XAB2: variants seen among roughly 807,000 people sequenced by gnomAD.
XAB2 encodes the protein pre-mRNA-splicing factor SYF1.
In XAB2, 57 loss-of-function variants were observed where a neutral mutation model predicts 113.4. The ratio of observed to expected loss-of-function variants is 0.50; its 90% CI spans 0.41 to 0.63. The LOEUF (loss-of-function observed/expected upper bound fraction) is 0.63. XAB2 is among the 20% of genes least tolerant of loss of function. The pLI, the probability that XAB2 is intolerant of heterozygous loss-of-function variation, is 0.00. For missense variants in XAB2, 1,037 were observed against 1,233.3 expected (o/e 0.84, Z 2.38); for synonymous variants, 497 against 498.8 (o/e 1.00, Z 0.05).
intron 15 of XAB2, 40 bp from the exon 16 acceptor site, chr19:7,620,486 T>C (rs771198353): frequency 6.2e-7 from 1 of 1,609,064 alleles, no homozygotes; most frequent in Non-Finnish European, 8.5e-7. Flanking sequence ...TGTGTGCCCG[T>C]GAGCTGGCTG....
intron 12 of XAB2, 127 bp from the exon 13 acceptor site, chr19:7,621,424 C>T (rs1384802964): frequency 6.0e-6 from 6 of 992,630 alleles, no homozygotes; most frequent in African/African-American, 1.6e-5. Flanking sequence ...CCTGTCCACG[C>T]CTCCCTGTCC....
In XAB2 at chr19:7,624,726, G is replaced by A. The variant is rs2031104182; in HGVS notation, c.823-281C>T. On this transcript the variant is annotated intron_variant, in intron 6 of 18. Transcript: ENST00000358368. The surrounding 1 kb of genome is among the most constrained non-coding windows in gnomAD (Gnocchi z 4.2). ...ACCTCAGGGCTCGACTGAGACACAT[G>A]TGTGAAGCACTTGGCACCCAATAGG... is the stretch of plus-strand genomic sequence containing the variant. Among the ~76,000 whole-genome samples the A allele has an allele frequency of 6.7e-6, 1 of 149,522 alleles. No individual in the cohort carries two copies.
intron 1 of XAB2, among the ~76,000 whole-genome samples, chr19:7,629,055 T>C (rs1746618591): frequency 6.6e-6 from 1 of 152,192 alleles, no homozygotes; most frequent in African/African-American, 2.4e-5. Context: ...GAAACTGTCA[T>C]GCTGCAGTCC....
rs897011927 is a variant in XAB2 at position 7,628,871 on chromosome 19, A to T, written c.52-573T>A. Among the ~76,000 whole-genome samples, 13 of 152,230 alleles carry T rather than the reference A, an allele frequency of 8.5e-5. No homozygotes were observed. The highest frequency in any genetic ancestry group is 6.5e-5 in the Admixed American group (1 of 15,286). On this transcript the variant is annotated intron_variant, in intron 1 of 18. Coordinates refer to ENST00000358368, the MANE Select transcript of XAB2 (RefSeq NM_020196.3). The surrounding 1 kb of genome is among the most constrained non-coding windows in gnomAD (Gnocchi z 4.6). Reference sequence around the variant, plus strand: ...GCTCAACTCTGCCCCAGAAATTAAAAGCTAGGCCTTTATCTCACAGGAGGA... The same window carrying T: ...GCTCAACTCTGCCCCAGAAATTAAATGCTAGGCCTTTATCTCACAGGAGGA...
rs546213825 is a variant in XAB2 at position 7,628,464 on chromosome 19, G to A, written c.52-166C>T. On this transcript the variant is annotated intron_variant, in intron 1 of 18. Transcript: ENST00000358368. This position sits in a 1 kb window ranked among gnomAD's most constrained non-coding sequence, Gnocchi z 4.6. Reference sequence around the variant, plus strand: ...TGCCCAGGCACCAAACCAGATGCCCGACACCAAGACAGTGGCCCAGACCTT... The same window carrying A: ...TGCCCAGGCACCAAACCAGATGCCCAACACCAAGACAGTGGCCCAGACCTT... 2.6e-5 allele frequency among the ~76,000 whole-genome samples: 4 copies of A among 152,194 alleles called. No homozygotes were observed. Among genetic ancestry groups the A allele is most frequent in the East Asian group, 3.9e-4 (2 of 5,186 alleles).
chr19:7,627,125 T>A lies in XAB2; in HGVS notation c.522+118A>T. On this transcript the variant is annotated intron_variant, in intron 4 of 18. Transcript: ENST00000358368. The surrounding 1 kb of genome is among the most constrained non-coding windows in gnomAD (Gnocchi z 4.5). ...CACGGACAACAACAAAACACATGCA[T>A]CTCCAGGAGCCTCTTCCCACATCCC... 1 of 1,167,752 alleles carries A rather than the reference T, an allele frequency of 8.6e-7. No individual in the cohort carries two copies. Among genetic ancestry groups the A allele is most frequent in the Non-Finnish European group, 1.2e-6 (1 of 822,024 alleles). 72.3% of individuals were successfully genotyped at this position (1,167,752 alleles called of 1,614,324 possible). A position where few individuals can be genotyped will look rare whatever the true frequency, so the allele number is the denominator to read the frequency against.
chr19:7,627,434 G>T lies in XAB2; in HGVS notation c.331C>A (p.Arg111Ser). Reference sequence around the variant, plus strand: ...AACTGGCAGTAATCTAGCCACAGACGAGGCATCTGGGGGTGTGGGGAGAGG... The same window carrying T: ...AACTGGCAGTAATCTAGCCACAGACTAGGCATCTGGGGGTGTGGGGAGAGG... ...RAFVFMHKMP[R>S]LWLDYCQFLM... Residue 111 changes from arginine (R) to serine (S), a missense_variant, in exon 4 of 19, where the codon CGT (arginine) becomes AGT (serine). By Grantham distance (110) the Arg-to-Ser change is moderately radical. Transcript: ENST00000358368. The surrounding 1 kb of genome is among the most constrained non-coding windows in gnomAD (Gnocchi z 4.5). 6.2e-7 allele frequency: 1 copy of T among 1,604,130 alleles called. No individual in the cohort carries two copies. The highest frequency in any genetic ancestry group is 8.5e-7 in the Non-Finnish European group (1 of 1,176,550).
Position 7,620,147 on chromosome 19 carries a change from C to T in XAB2, c.2267-72G>A, listed in dbSNP as rs1054192942. 6 of 1,593,492 alleles carry T rather than the reference C, an allele frequency of 3.8e-6. No homozygotes were observed. In the Admixed American group the frequency reaches 6.8e-5, roughly 18 times the overall value. On this transcript the variant is annotated intron_variant, in intron 16 of 18. Coordinates refer to ENST00000358368, the MANE Select transcript of XAB2 (RefSeq NM_020196.3). ...ACATCGGACGTTGCACTATCCCAGT[C>T]CCCCAGGTGATGGCCCAGCCCTCAA...
In XAB2 at chr19:7,625,446, G is replaced by A. The variant is rs1395301018; in HGVS notation, c.822+434C>T. Among the ~76,000 whole-genome samples, 1 of 151,760 alleles carries A rather than the reference G, an allele frequency of 6.6e-6. No individual in the cohort carries two copies. Among genetic ancestry groups the A allele is most frequent in the Non-Finnish European group, 1.5e-5 (1 of 67,962 alleles). ...TCAGCAGGATAGTAATCGTGTGCAG[G>A]GATATGCATGTCTGTCAAAAATGGC... On this transcript the variant is annotated intron_variant, in intron 6 of 18. Coordinates refer to ENST00000358368, the MANE Select transcript of XAB2 (RefSeq NM_020196.3). This position sits in a 1 kb window ranked among gnomAD's most constrained non-coding sequence, Gnocchi z 5.2.
In XAB2 at chr19:7,624,228, G is replaced by A; in HGVS notation, c.967+73C>T. 1 of 1,596,262 alleles carries A rather than the reference G, an allele frequency of 6.3e-7. No homozygotes were observed. The highest frequency in any genetic ancestry group is 8.5e-7 in the Non-Finnish European group (1 of 1,176,300). ...TGAGCCTCCCAGGGCTGCCTCACCT[G>A]AGATGTGTCCCGCCCCTACCGCTAA... On this transcript the variant is annotated intron_variant, in intron 7 of 18. Transcript: ENST00000358368. This position sits in a 1 kb window ranked among gnomAD's most constrained non-coding sequence, Gnocchi z 4.2.
In XAB2 at chr19:7,623,087, A is replaced by AATATGTACACACACATACATGCACAC; in HGVS notation, c.1239+57_1239+82dup. 1.9e-6 allele frequency: 3 copies of AATATGTACACACACATACATGCACAC among 1,583,738 alleles called. No individual in the cohort carries two copies. In the Admixed American group the frequency reaches 5.1e-5, roughly 27 times the overall value. On this transcript the variant is annotated intron_variant, in intron 9 of 18. Coordinates refer to ENST00000358368, the MANE Select transcript of XAB2 (RefSeq NM_020196.3). The surrounding 1 kb of genome is among the most constrained non-coding windows in gnomAD (Gnocchi z 4.6). ...ACACACGTGCACACATCCATGCACAAATATGTACACACACATACATGCACA... is the reference window on the plus strand; with the variant it reads ...ACACACGTGCACACATCCATGCACAAATATGTACACACACATACATGCACACATATGTACACACACATACATGCACA...
Position 7,623,346 on chromosome 19 carries a change from G to C in XAB2, c.1120-57C>G, listed in dbSNP as rs1261278490. 6.3e-7 allele frequency: 1 copy of C among 1,595,162 alleles called. No individual in the cohort carries two copies. Among genetic ancestry groups the C allele is most frequent in the Non-Finnish European group, 8.5e-7 (1 of 1,169,862 alleles). ...CTCAGGACCCTGCAGATGACGGTCG[G>C]GGCAGAGCTGTGGCTCTGAGGGGTG... On this transcript the variant is annotated intron_variant, in intron 8 of 18. Transcript: ENST00000358368. The surrounding 1 kb of genome is among the most constrained non-coding windows in gnomAD (Gnocchi z 4.6).
At position 7,620,308 on chromosome 19, in the gene XAB2, T is replaced by C; in HGVS notation, c.2233A>G (p.Met745Val). 6.2e-7 allele frequency: 1 copy of C among 1,613,650 alleles called. No homozygotes were observed. The highest frequency in any genetic ancestry group is 8.5e-7 in the Non-Finnish European group (1 of 1,180,004). ...GTGGCACTGCCCGAGACCTTGAGCA[T>C]CTGCGAGGCCATGAAGTTGACCTGC... ...NTQVNFMASQ[M>V]LKVSGSATGT... Residue 745 changes from methionine to valine, a missense_variant, in exon 16 of 19, where the codon ATG (methionine) becomes GTG (valine). Met to Val is a conservative substitution (Grantham distance 21, BLOSUM62 1). Coordinates refer to ENST00000358368, the MANE Select transcript of XAB2 (RefSeq NM_020196.3).
At chr19:7,621,095 G>GGGCCCCCCCCCCCCCC in intron 13 of XAB2, 40 bp downstream of exon 13, 1 of 1,486,296 alleles carries the variant, frequency 6.7e-7, no homozygotes, top group Non-Finnish European at 9.0e-7. Context: ...CAGAAACCCA[G>GGGCCCCCCCCCCCCCC]CCCGCCCGCC....
chr19:7,621,325 A>G (rs771338605), intron 12 of XAB2, 28 bp from the exon 13 acceptor site: 1 of 1,609,006 alleles, frequency 6.2e-7, no homozygotes, highest in Non-Finnish European at 8.5e-7. Context: ...GTCACATGTG[A>G]GAGTCTGCAG....
Position 7,622,753 on chromosome 19 carries a change from TGTTCTCACTCGCAGCAGCC to T in XAB2, c.1361_1371+8del. ...CAGCCCCCACCCCACAGCCTGGGCC[TGTTCTCACTCGCAGCAGCC>T]GCAAGGCCTCATCGTAGTTCTCGTG... On this transcript the variant is annotated splice_donor_variant and splice_donor_5th_base_variant and coding_sequence_variant and intron_variant, in exon 10 of 19. Coordinates refer to ENST00000358368, the MANE Select transcript of XAB2 (RefSeq NM_020196.3). LOFTEE classifies it high-confidence loss of function. 2 of 1,613,950 alleles carry T rather than the reference TGTTCTCACTCGCAGCAGCC, an allele frequency of 1.2e-6. No homozygotes were observed. The highest frequency in any genetic ancestry group is 1.7e-6 in the Non-Finnish European group (2 of 1,180,010).
Position 7,622,853 on chromosome 19 carries a change from T to C in XAB2, c.1280A>G (p.Lys427Arg), listed in dbSNP as rs756103575. Residue 427 changes from lysine (K) to arginine (R), a missense_variant, in exon 10 of 19, where the codon AAG becomes AGG. Transcript: ENST00000358368. ...CACGCTTGCCAGGTCATCCACCTGC[T>C]TGAAGTTCACCTTGGTGGCCTTCTC... Reference protein sequence around the residue: ...ILEKATKVNFKQVDDLASVWC... With the variant: ...ILEKATKVNFRQVDDLASVWC... 2.5e-6 allele frequency: 4 copies of C among 1,613,972 alleles called. No individual in the cohort carries two copies. Among genetic ancestry groups the C allele is most frequent in the East Asian group, 2.2e-5 (1 of 44,852 alleles).
Position 7,620,267 on chromosome 19 carries a change from C to A in XAB2, c.2266+8G>T. 4 of 1,612,790 alleles carry A rather than the reference C, an allele frequency of 2.5e-6. No individual in the cohort carries two copies. The highest frequency in any genetic ancestry group is 1.7e-5 in the Admixed American group (1 of 60,024). On this transcript the variant is annotated splice_region_variant and intron_variant, in intron 16 of 18. Coordinates refer to ENST00000358368, the MANE Select transcript of XAB2 (RefSeq NM_020196.3). The stretch of plus-strand genomic sequence containing the variant: ...GGATCAGGAACTCAGCCAGCTGGGA[C>A]GGCTCACCGGTGCCCGTGGCACTGC...
rs375894030 is a variant in XAB2 at position 7,625,886 on chromosome 19, G to T, written c.816C>A (p.Phe272Leu). ...LADYYIRSGH[F>L]EKARDVYEEA... ...CCCGTGTGCCAGCATGCACCTTCTC[G>T]AAATGGCCGCTGCGGATGTAGTAGT... Residue 272 changes from phenylalanine to leucine, a missense_variant, in exon 6 of 19, where the codon TTC becomes TTA. By Grantham distance (22) the Phe-to-Leu change is conservative (BLOSUM62 0). Transcript: ENST00000358368. This position sits in a 1 kb window ranked among gnomAD's most constrained non-coding sequence, Gnocchi z 5.2. The T allele has an allele frequency of 2.5e-6, 4 of 1,603,832 alleles. No individual in the cohort carries two copies. The Admixed American group carries it at 5.1e-5, about 20-fold the overall frequency.
Sources: allele counts gnomAD v4.1 joint callset (sites outside exome capture counted in the v4.1 genomes callset), GRCh38; gene constraint gnomAD v4.1.1; non-coding constraint Gnocchi (gnomAD v3.1); transcripts MANE v1.5; gene names NCBI Gene and HGNC (gene_info 2026-07-23, HGNC 2026-07-21).